Variants in NREP observed in about 807,000 individuals in gnomAD.
The protein encoded by NREP is neuronal regeneration-related protein.
NREP carries 5 observed loss-of-function variants against 8.6 expected under a neutral mutation model. The ratio of observed to expected loss-of-function variants is 0.58; its 90% CI spans 0.30 to 1.22. The LOEUF (loss-of-function observed/expected upper bound fraction) is 1.22. Ranked by LOEUF, NREP falls within the 50% of genes most tolerant of loss-of-function variation. The pLI is 0.07. For missense variants in NREP, 86 were observed against 82.5 expected (o/e 1.04, Z -0.17); for synonymous variants, 27 against 28.0 (o/e 0.96, Z 0.11).
At chr5:111,824,208 A>C (rs1481090369) in intron 2 of NREP, among the ~76,000 whole-genome samples, 1 of 152,128 alleles carries the variant, frequency 6.6e-6, no homozygotes, top group Non-Finnish European at 1.5e-5. Flanking sequence ...GTCTCTACTA[A>C]AAATACAAAA....
At chr5:111,830,309 A>G (rs1441008708) in intron 2 of NREP, among the ~76,000 whole-genome samples, 1 of 152,250 alleles carries the variant, frequency 6.6e-6, no homozygotes, top group Admixed American at 6.5e-5. Flanking sequence ...ACAATGACAC[A>G]GAAGGAGCTA....
At chr5:111,766,668 C>G (rs1751092551) in intron 2 of NREP, among the ~76,000 whole-genome samples, 1 of 152,196 alleles carries the variant, frequency 6.6e-6, no homozygotes, top group Non-Finnish European at 1.5e-5. Context: ...TGTCTCTTCC[C>G]TCTTTCTCCT....
chr5:111,936,245 C>T (rs954893735), intron 2 of NREP, among the ~76,000 whole-genome samples: 5 of 151,956 alleles, frequency 3.3e-5, no homozygotes, highest in African/African-American at 1.2e-4. Flanking sequence ...TGGGAGGTGG[C>T]TGGATTATGG....
At chr5:111,817,140 C>A (rs1298265042) in intron 2 of NREP, among the ~76,000 whole-genome samples, 1 of 152,076 alleles carries the variant, frequency 6.6e-6, no homozygotes, top group Non-Finnish European at 1.5e-5. Context: ...TAGAATCTAG[C>A]CATCTTGCTA....
intron 2 of NREP, among the ~76,000 whole-genome samples, chr5:111,764,815 C>T (rs1244258170): frequency 2.0e-5 from 3 of 152,132 alleles, no homozygotes; most frequent in African/African-American, 7.2e-5. Flanking sequence ...ATGGTATGGT[C>T]CTCTGGAATT....
chr5:111,754,564 C>A (rs1206953622), intron 2 of NREP, among the ~76,000 whole-genome samples: 1 of 152,160 alleles, frequency 6.6e-6, no homozygotes, highest in Non-Finnish European at 1.5e-5. Flanking sequence ...ATGACAACAG[C>A]TAATTAAGAA....
intron 2 of NREP, among the ~76,000 whole-genome samples, chr5:111,918,412 A>C (rs756759576): frequency 2.0e-5 from 3 of 152,198 alleles, no homozygotes; most frequent in Non-Finnish European, 4.4e-5. Flanking sequence ...AATCCTAGGC[A>C]AAAAGAACAA....
At chr5:111,950,656 G>A (rs1756130104) in intron 2 of NREP, among the ~76,000 whole-genome samples, 23 of 151,130 alleles carry the variant, frequency 1.5e-4, no homozygotes, top group Admixed American at 1.4e-3. Flanking sequence ...ATCTGACAAA[G>A]GTCTAATATC....
chr5:111,800,508 C>A (rs1342560709), intron 2 of NREP, among the ~76,000 whole-genome samples: 1 of 152,174 alleles, frequency 6.6e-6, no homozygotes, highest in Admixed American at 6.5e-5. Context: ...ACAGCGGAGT[C>A]CTGTGGAATG....
At chr5:111,903,709 C>T (rs978993012) in intron 2 of NREP, among the ~76,000 whole-genome samples, 3 of 151,982 alleles carry the variant, frequency 2.0e-5, no homozygotes, top group African/African-American at 7.2e-5. Flanking sequence ...CAAGGGGCAA[C>T]ATTTTAAATA....
intron 2 of NREP, among the ~76,000 whole-genome samples, chr5:111,873,173 T>C (rs1029101502): frequency 6.6e-6 from 1 of 152,150 alleles, no homozygotes; most frequent in African/African-American, 2.4e-5. Flanking sequence ...TAAATATCCA[T>C]TAAAGGATGC....
intron 2 of NREP, among the ~76,000 whole-genome samples, chr5:111,769,958 G>T (rs1004216400): frequency 6.6e-6 from 1 of 152,176 alleles, no homozygotes; most frequent in African/African-American, 2.4e-5. Context: ...CCTATCAGAG[G>T]CAGAAAGTAA....
chr5:111,892,078 A>T (rs531856508), intron 2 of NREP, among the ~76,000 whole-genome samples: 1 of 152,358 alleles, frequency 6.6e-6, no homozygotes, highest in African/African-American at 2.4e-5. Flanking sequence ...ATATTTAGTG[A>T]GAAAAGTAGA....
At chr5:111,830,153 G>A (rs1752729608) in intron 2 of NREP, among the ~76,000 whole-genome samples, 1 of 150,560 alleles carries the variant, frequency 6.6e-6, no homozygotes, top group African/African-American at 2.5e-5. Flanking sequence ...GTTTTCAGCT[G>A]TTTTTTTTGT....
chr5:111,936,445 G>A (rs1017770724), intron 2 of NREP, among the ~76,000 whole-genome samples: 14 of 152,028 alleles, frequency 9.2e-5, no homozygotes, highest in African/African-American at 2.9e-4. Context: ...GTGGAATTAT[G>A]AGTCAATTAA....
intron 2 of NREP, among the ~76,000 whole-genome samples, chr5:111,922,006 A>G (rs892150486): frequency 1.3e-5 from 2 of 152,218 alleles, no homozygotes; most frequent in South Asian, 4.1e-4. Flanking sequence ...GTCCAATTAA[A>G]CCGCTTTTTC....
At chr5:111,903,108 G>C (rs77270851) in intron 2 of NREP, among the ~76,000 whole-genome samples, 8,456 of 129,098 alleles carry the variant, frequency 0.066, 659 homozygotes, top group East Asian at 0.25. Flanking sequence ...TTTTGAGACA[G>C]AGTCTCACTC....
At chr5:111,897,477 A>C (rs773898787) in intron 2 of NREP, among the ~76,000 whole-genome samples, 24 of 152,120 alleles carry the variant, frequency 1.6e-4, no homozygotes, top group Non-Finnish European at 3.4e-4. Flanking sequence ...CCCTCTATAT[A>C]ATATACTTTT....
chr5:111,881,514 G>A (rs971724799), intron 2 of NREP, among the ~76,000 whole-genome samples: 4 of 152,176 alleles, frequency 2.6e-5, no homozygotes, highest in East Asian at 1.9e-4. Flanking sequence ...CTGAGAATGG[G>A]CAGACTGCCT....
Sources: gnomAD v4.1 joint callset for allele counts (sites outside exome capture counted in the v4.1 genomes callset) on GRCh38, gnomAD v4.1.1 for gene constraint, MANE v1.5 for transcripts, NCBI Gene and HGNC (gene_info 2026-07-23, HGNC 2026-07-21) for gene names.